Variants in GUCA1C observed in about 807,000 individuals in gnomAD.
The protein encoded by GUCA1C is guanylyl cyclase-activating protein 3.
A neutral mutation model predicts 16.2 loss-of-function variants in GUCA1C; 15 were observed. That is an observed-to-expected ratio of 0.93 (90% CI 0.62 to 1.43). GUCA1C has a LOEUF of 1.43. Ranked by LOEUF, GUCA1C falls within the 40% of genes most tolerant of loss-of-function variation. The probability of loss-of-function intolerance (pLI) is 0.00; values close to 1 mark genes in which losing one functional copy is unlikely to be tolerated. For synonymous variants in GUCA1C, 78 were observed against 85.4 expected, an observed-to-expected ratio of 0.91 and a Z score of 0.48; for missense variants, 275 against 244.8, an observed-to-expected ratio of 1.12 and a Z score of -0.82.
chr3:108,938,180 C>T (rs1275335329), intron 1 of GUCA1C, among the ~76,000 whole-genome samples: 1 of 152,174 alleles, frequency 6.6e-6, no homozygotes, highest in Non-Finnish European at 1.5e-5. Flanking sequence ...CAAAAATTCA[C>T]TGAACTATAG....
At chr3:108,952,309 A>G (rs1946902712) in intron 1 of GUCA1C, among the ~76,000 whole-genome samples, 1 of 152,216 alleles carries the variant, frequency 6.6e-6, no homozygotes, top group Non-Finnish European at 1.5e-5. Flanking sequence ...TAATAACAAA[A>G]GCGGAATCTG....
chr3:108,940,502 T>C (rs969092862), intron 1 of GUCA1C, among the ~76,000 whole-genome samples: 2 of 152,238 alleles, frequency 1.3e-5, no homozygotes, highest in Admixed American at 6.5e-5. Context: ...AGTAAGACGA[T>C]AGTCAAAATA....
At chr3:108,939,227 A>C (rs1312636747) in intron 1 of GUCA1C, among the ~76,000 whole-genome samples, 1 of 151,622 alleles carries the variant, frequency 6.6e-6, no homozygotes. Flanking sequence ...CTTGCTCCTT[A>C]ATGAATAGAA....
chr3:108,930,441 C>T (rs968971515), intron 1 of GUCA1C, among the ~76,000 whole-genome samples: 3 of 152,160 alleles, frequency 2.0e-5, no homozygotes, highest in Non-Finnish European at 4.4e-5. Flanking sequence ...GGCTATTTGG[C>T]TTTTTAAAAG....
intron 1 of GUCA1C, among the ~76,000 whole-genome samples, chr3:108,951,539 C>T (rs1361106243): frequency 6.6e-6 from 1 of 152,186 alleles, no homozygotes; most frequent in African/African-American, 2.4e-5. Flanking sequence ...TGGACAGTTG[C>T]TAGTTTTATC....
intron 3 of GUCA1C, among the ~76,000 whole-genome samples, chr3:108,911,015 T>C (rs1017859390): frequency 1.3e-5 from 2 of 152,304 alleles, no homozygotes; most frequent in African/African-American, 4.8e-5. Flanking sequence ...TAAGTTGAAA[T>C]ATATGTAATT....
At position 108,953,860 on chromosome 3, in the gene GUCA1C, T is replaced by A. The variant is rs1946924950; in HGVS notation, c.-98A>T. ...CTCACTAAAACTGAAGGCTAACATATGCCCTCAGAAAGCTACTCTAAACCT... is the reference window on the plus strand; with the variant it reads ...CTCACTAAAACTGAAGGCTAACATAAGCCCTCAGAAAGCTACTCTAAACCT... On this transcript the variant is annotated 5_prime_UTR_variant, in exon 1 of 4. Transcript: ENST00000261047. 1.3e-6 allele frequency: 1 copy of A among 780,864 alleles called. No homozygotes were observed. The highest frequency in any genetic ancestry group is 2.2e-6 in the Non-Finnish European group (1 of 449,654). The allele number at this position is 780,864 out of a possible 1,614,324, so 48.4% of individuals were successfully genotyped here.
intron 1 of GUCA1C, among the ~76,000 whole-genome samples, chr3:108,922,907 T>C (rs896030940): frequency 2.6e-5 from 4 of 152,126 alleles, no homozygotes; most frequent in African/African-American, 9.7e-5. Flanking sequence ...CATGAGGTGT[T>C]TGGTTTTCTG....
At chr3:108,936,986 C>A (rs895457027) in intron 1 of GUCA1C, among the ~76,000 whole-genome samples, 8 of 152,124 alleles carry the variant, frequency 5.3e-5, no homozygotes, top group Non-Finnish European at 1.0e-4. Context: ...ATTTTGGAAT[C>A]CTTAGCCCTC....
intron 2 of GUCA1C, among the ~76,000 whole-genome samples, chr3:108,917,526 C>CT (rs1946529841): frequency 6.6e-6 from 1 of 152,024 alleles, no homozygotes; most frequent in African/African-American, 2.4e-5. Context: ...TATATGCACT[C>CT]TTTCTTCCCT....
Position 108,908,166 on chromosome 3 carries a change from A to G in GUCA1C, c.486T>C (p.Asp162=), listed in dbSNP as rs767452738. Residue 162 remains aspartate, a synonymous_variant, in exon 4 of 4, where the codon GAT becomes GAC. Transcript: ENST00000261047. Reference sequence around the variant, plus strand: ...TGTAAACAATCTCCAGGAGATCCTGATCTTTTGCCATGCCATTGATAAATT... The same window carrying G: ...TGTAAACAATCTCCAGGAGATCCTGGTCTTTTGCCATGCCATTGATAAATT... ...LEEFINGMAK[D]QDLLEIVYKS... The G allele has an allele frequency of 6.8e-6, 11 of 1,613,848 alleles. No individual in the cohort carries two copies. The highest frequency in any genetic ancestry group is 9.3e-6 in the Non-Finnish European group (11 of 1,179,746).
At chr3:108,950,425 T>C (rs1946885871) in intron 1 of GUCA1C, among the ~76,000 whole-genome samples, 1 of 152,180 alleles carries the variant, frequency 6.6e-6, no homozygotes, top group South Asian at 2.1e-4. Flanking sequence ...GTGAGATTTC[T>C]GGTTCATATG....
chr3:108,944,897 C>G (rs113430095), intron 1 of GUCA1C, among the ~76,000 whole-genome samples: 39 of 152,212 alleles, frequency 2.6e-4, no homozygotes, highest in African/African-American at 8.9e-4. Context: ...ATTGATGCAC[C>G]ACTTGCACTT....
Position 108,920,576 on chromosome 3 carries a change from C to T in GUCA1C, c.214G>A (p.Val72Ile), listed in dbSNP as rs2715687. ...NTFDTNKDGFVDFLEFIAAVN... is the reference protein window; with the variant it reads ...NTFDTNKDGFIDFLEFIAAVN... ...GCAGCAATAAACTCCAAAAAGTCAA[C>T]AAATCCATCCTATGGAAAGTAAGAT... Residue 72 changes from valine (V) to isoleucine (I), a missense_variant, in exon 2 of 4, where the codon GTT becomes ATT. Val to Ile is a conservative substitution (Grantham distance 29). Coordinates refer to ENST00000261047, the MANE Select transcript of GUCA1C (RefSeq NM_005459.4). The T allele has an allele frequency of 0.68, 998,829 of 1,473,560 alleles. 343,180 individuals carry two copies. The highest frequency in any genetic ancestry group is 0.77 in the Middle Eastern group (4,074 of 5,310). The allele number at this position is 1,473,560 out of a possible 1,614,324, so 91.3% of individuals were successfully genotyped here.
In GUCA1C at chr3:108,916,218, C is replaced by T; in HGVS notation, c.355-4G>A. 6 of 1,601,786 alleles carry T rather than the reference C, an allele frequency of 3.7e-6. No homozygotes were observed. The highest frequency in any genetic ancestry group is 1.8e-5 in the Admixed American group (1 of 55,940). On this transcript the variant is annotated splice_polypyrimidine_tract_variant and splice_region_variant and intron_variant, in intron 2 of 3. Transcript: ENST00000261047. Reference sequence around the variant, plus strand: ...GGCCATTGAGGGCTTGTACCGCCTGCAAAAAGACATTAAATGAAAGAGGTC... The same window carrying T: ...GGCCATTGAGGGCTTGTACCGCCTGTAAAAAGACATTAAATGAAAGAGGTC...
intron 3 of GUCA1C, 42 bp downstream of exon 3, chr3:108,916,085 A>G: frequency 6.2e-7 from 1 of 1,609,936 alleles, no homozygotes; most frequent in Non-Finnish European, 8.5e-7. Flanking sequence ...ACCATCTCCT[A>G]CTTTGTAGGA....
chr3:108,937,765 T>C (rs371487719), intron 1 of GUCA1C, among the ~76,000 whole-genome samples: 31 of 152,256 alleles, frequency 2.0e-4, no homozygotes, highest in African/African-American at 7.0e-4. Context: ...CATCTAGAGT[T>C]CTAGTAATAT....
intron 1 of GUCA1C, among the ~76,000 whole-genome samples, chr3:108,947,125 T>C (rs956952707): frequency 2.0e-5 from 3 of 152,222 alleles, no homozygotes; most frequent in Admixed American, 1.3e-4. Context: ...AGCCTGCTAT[T>C]GCTTGGAAGC....
intron 1 of GUCA1C, among the ~76,000 whole-genome samples, chr3:108,927,181 T>C (rs1218261253): frequency 2.0e-5 from 3 of 152,230 alleles, no homozygotes; most frequent in Admixed American, 2.0e-4. Flanking sequence ...TGTCTTGACT[T>C]TAGATAACCT....
Sources: allele counts gnomAD v4.1 joint callset (sites outside exome capture counted in the v4.1 genomes callset), GRCh38; gene constraint gnomAD v4.1.1; transcripts MANE v1.5; gene names NCBI Gene and HGNC (gene_info 2026-07-23, HGNC 2026-07-21).